The following ATP13A4 variants were observed in gnomAD, a reference collection of about 807,000 sequenced individuals.
The protein encoded by ATP13A4 is ATPase 13A4, also known as probable cation-transporting ATPase 13A4.
ATP13A4 carries 114 observed loss-of-function variants against 142.5 expected under a neutral mutation model. That is an observed-to-expected ratio of 0.80 (90% CI 0.69 to 0.93). ATP13A4 has a LOEUF of 0.93. Ranked by LOEUF, ATP13A4 falls within the 40% of genes least tolerant of loss-of-function variation. The pLI is 0.00. For missense variants in ATP13A4, 1,392 were observed against 1,454.0 expected (o/e 0.96, Z 0.69); for synonymous variants, 488 against 514.8 (o/e 0.95, Z 0.70).
At chr3:193,515,656 CAAGAT>C (rs559307280) in intron 1 of ATP13A4, among the ~76,000 whole-genome samples, 6 of 152,126 alleles carry the variant, frequency 3.9e-5, no homozygotes, top group South Asian at 2.1e-4. Context: ...ACATACAAGA[CAAGAT>C]AAGAGTCTCA....
chr3:193,483,861 C>T, intron 8 of ATP13A4, 75 bp downstream of exon 8: 1 of 1,146,202 alleles, frequency 8.7e-7, no homozygotes, highest in Non-Finnish European at 1.3e-6. Context: ...ATAACAGCAG[C>T]AATCAGAAAT....
chr3:193,511,987 C>A (rs764443641), intron 2 of ATP13A4, among the ~76,000 whole-genome samples: 1 of 151,700 alleles, frequency 6.6e-6, no homozygotes, highest in African/African-American at 2.4e-5. Flanking sequence ...TCCTCCCTTC[C>A]TTTTCCATTT....
intron 1 of ATP13A4, among the ~76,000 whole-genome samples, chr3:193,528,186 G>A (rs1722115946): frequency 6.6e-6 from 1 of 152,244 alleles, no homozygotes; most frequent in Admixed American, 6.5e-5. Context: ...GGGAGAAGGA[G>A]CATGTCACAT....
chr3:193,573,047 TG>T (rs566279154), intron 2 of ATP13A4, among the ~76,000 whole-genome samples: 2,074 of 28,440 alleles, frequency 0.073, 22 homozygotes, highest in Non-Finnish European at 0.09. Flanking sequence ...GGGCAGGGGT[TG>T]GGGGGAGGGG....
intron 18 of ATP13A4, among the ~76,000 whole-genome samples, chr3:193,445,905 G>T (rs1334832482): frequency 6.6e-6 from 1 of 151,990 alleles, no homozygotes; most frequent in Non-Finnish European, 1.5e-5. Flanking sequence ...GATTCAAAAG[G>T]GGATTTGAAA....
At chr3:193,479,297 G>T (rs1719153222) in intron 8 of ATP13A4, among the ~76,000 whole-genome samples, 1 of 152,082 alleles carries the variant, frequency 6.6e-6, no homozygotes, top group Non-Finnish European at 1.5e-5. Context: ...GAAATAAAGG[G>T]CATCCAAATC....
chr3:193,404,264 C>G, intron 29 of ATP13A4: 1 of 467,444 alleles, frequency 2.1e-6, no homozygotes, highest in Non-Finnish European at 2.8e-6. Flanking sequence ...AAACCACACA[C>G]ACACACACAC....
At chr3:193,489,240 A>G (rs1469466863) in intron 7 of ATP13A4, among the ~76,000 whole-genome samples, 1 of 152,168 alleles carries the variant, frequency 6.6e-6, no homozygotes, top group African/African-American at 2.4e-5. Flanking sequence ...GCAACCAACC[A>G]ATCTGTTCTA....
intron 1 of ATP13A4, among the ~76,000 whole-genome samples, chr3:193,543,801 A>G (rs1723073867): frequency 6.6e-6 from 1 of 152,260 alleles, no homozygotes; most frequent in Admixed American, 6.5e-5. Flanking sequence ...GAAACAGGTT[A>G]AAACAATGTT....
Position 193,399,567 on chromosome 3 carries a change from G to T in ATP13A4, c.*3085C>A, listed in dbSNP as rs1473484908. Among the ~76,000 whole-genome samples, 1 of 152,080 alleles carries T rather than the reference G, an allele frequency of 6.6e-6. No individual in the cohort carries two copies. Among genetic ancestry groups the T allele is most frequent in the Non-Finnish European group, 1.5e-5 (1 of 68,018 alleles). ...TCTGTGTGGGTAGTAGTAGAAAATA[G>T]TTCACATCTGGTGGCTCATGTCTGT... On this transcript the variant is annotated 3_prime_UTR_variant, in exon 30 of 30. Transcript: ENST00000342695.
chr3:193,518,010 C>G (rs1375810412), intron 1 of ATP13A4, among the ~76,000 whole-genome samples: 2 of 152,180 alleles, frequency 1.3e-5, no homozygotes, highest in East Asian at 3.8e-4. Context: ...GAATGACCTA[C>G]AGTCTCATTT....
At chr3:193,525,985 T>C (rs1721980399) in intron 1 of ATP13A4, among the ~76,000 whole-genome samples, 2 of 152,310 alleles carry the variant, frequency 1.3e-5, no homozygotes, top group South Asian at 2.1e-4. Context: ...TTCCTTAACA[T>C]TGCTGGTGAG....
intron 18 of ATP13A4, among the ~76,000 whole-genome samples, chr3:193,447,285 G>C (rs1026389541): frequency 1.3e-5 from 2 of 152,126 alleles, no homozygotes; most frequent in African/African-American, 4.8e-5. Flanking sequence ...AGTTGGACTG[G>C]GGTGTTAGAA....
In ATP13A4 at chr3:193,411,003, TG is replaced by T; in HGVS notation, c.3275del (p.Pro1092GlnfsTer26). 1 of 1,607,980 alleles carries T rather than the reference TG, an allele frequency of 6.2e-7. No homozygotes were observed. The highest frequency in any genetic ancestry group is 8.5e-7 in the Non-Finnish European group (1 of 1,174,656). ...VCLFILFADI[P>X]ELYRRLDLLC... is the part of the protein sequence containing the mutation. ...TTACATCCAAACGTCTATATAATTC[TG>T]GTATATCAGCAAATAGAATGAATAG... On this transcript the variant is annotated frameshift_variant, in exon 28 of 30. Transcript: ENST00000342695. LOFTEE classifies it high-confidence loss of function.
chr3:193,451,758 A>T lies in ATP13A4; in HGVS notation c.2027+2343T>A, dbSNP rs1443496638. Among the ~76,000 whole-genome samples, 4 of 152,202 alleles carry T rather than the reference A, an allele frequency of 2.6e-5. No individual in the cohort carries two copies. The East Asian group carries it at 7.7e-4, about 29-fold the overall frequency. On this transcript the variant is annotated intron_variant, in intron 17 of 29. Coordinates refer to ENST00000342695, the MANE Select transcript of ATP13A4 (RefSeq NM_032279.4). ...AAGTGGGCCAATAACCTTTGAAGAG[A>T]TTATGATACCAATGCTGGAAGCACC...
intron 1 of ATP13A4, among the ~76,000 whole-genome samples, chr3:193,524,081 A>G (rs1392862408): frequency 1.3e-5 from 2 of 152,204 alleles, no homozygotes. Context: ...AGTCACCAGA[A>G]TCATGAGCCA....
At chr3:193,565,277 T>C (rs572337896) in intron 2 of ATP13A4, among the ~76,000 whole-genome samples, 1 of 152,268 alleles carries the variant, frequency 6.6e-6, no homozygotes, top group Admixed American at 6.5e-5. Flanking sequence ...CTGGAGTCAA[T>C]ATGAAGTTAG....
Position 193,401,895 on chromosome 3 carries a change from G to C in ATP13A4, c.*757C>G, listed in dbSNP as rs1224616980. On this transcript the variant is annotated 3_prime_UTR_variant, in exon 30 of 30. Transcript: ENST00000342695. ...GGGAAAGCAATGTGTGCCACTTTTG[G>C]GGTGAGGCAGTGAAGAGCCCACACG... Among the ~76,000 whole-genome samples, 2 of 152,086 alleles carry C rather than the reference G, an allele frequency of 1.3e-5. No homozygotes were observed. The highest frequency in any genetic ancestry group is 2.9e-5 in the Non-Finnish European group (2 of 68,030).
rs1714740794 is a variant in ATP13A4 at position 193,411,070 on chromosome 3, T to G, written c.3209A>C (p.Tyr1070Ser). ...TATTATCAGCACAAGGACAAATATA[T>G]CTGAGGAAATAAGAACACAAGGTAT... ...KPFRQPTYTNYIFVLVLIIQL... is the reference protein window; with the variant it reads ...KPFRQPTYTNSIFVLVLIIQL... The change falls in exon 28 of 30, where the codon TAT becomes TCT. Residue 1070 changes from tyrosine (Y) to serine (S), a missense_variant and splice_region_variant. Physicochemically the swap from Tyr to Ser is moderately radical, Grantham distance 144. Coordinates refer to ENST00000342695, the MANE Select transcript of ATP13A4 (RefSeq NM_032279.4). 6.3e-7 allele frequency: 1 copy of G among 1,597,496 alleles called. No homozygotes were observed. The highest frequency in any genetic ancestry group is 1.3e-5 in the African/African-American group (1 of 74,670).
Sources: gnomAD v4.1 joint callset for allele counts (sites outside exome capture counted in the v4.1 genomes callset) on GRCh38, gnomAD v4.1.1 for gene constraint, MANE v1.5 for transcripts, NCBI Gene and HGNC (gene_info 2026-07-23, HGNC 2026-07-21) for gene names.